The following DNM3 variants were observed in gnomAD, a reference collection of about 807,000 sequenced individuals.
The protein encoded by DNM3 is dynamin-3.
A neutral mutation model predicts 101.6 loss-of-function variants in DNM3; 47 were observed. The ratio of observed to expected loss-of-function variants is 0.46; its 90% CI spans 0.37 to 0.59. DNM3 has a LOEUF of 0.59. DNM3 is among the 20% of genes least tolerant of loss of function. DNM3 has a pLI of 0.00. For synonymous variants in DNM3, 385 were observed against 387.9 expected, an observed-to-expected ratio of 0.99 and a Z score of 0.09; for missense variants, 849 against 1,085.7, an observed-to-expected ratio of 0.78 and a Z score of 3.06.
intron 4 of DNM3, among the ~76,000 whole-genome samples, chr1:171,997,705 G>A (rs984041956): frequency 6.6e-6 from 1 of 152,134 alleles, no homozygotes; most frequent in Non-Finnish European, 1.5e-5. Context: ...CCAGCAAAAT[G>A]CTCCTGGTCA....
intron 2 of DNM3, among the ~76,000 whole-genome samples, chr1:171,935,769 C>CTTTTTTTTTTTTTTTT: frequency 2.1e-5 from 1 of 47,992 alleles, no homozygotes; most frequent in Non-Finnish European, 3.9e-5. Context: ...CAAATCAAAA[C>CTTTTTTTTTTTTTTTT]TTTTTTTTTT....
chr1:172,225,734 A>T (rs866703687), intron 14 of DNM3, among the ~76,000 whole-genome samples: 1 of 152,240 alleles, frequency 6.6e-6, no homozygotes, highest in South Asian at 2.1e-4. Flanking sequence ...GCCTGGTGAC[A>T]GAGAAAGACC....
chr1:172,335,009 A>T (rs1208314955), intron 17 of DNM3, among the ~76,000 whole-genome samples: 2 of 152,190 alleles, frequency 1.3e-5, no homozygotes, highest in Non-Finnish European at 2.9e-5. Context: ...AGACTCAGTA[A>T]GGAACAGTTA....
chr1:172,173,292 C>T (rs771714379), intron 14 of DNM3, among the ~76,000 whole-genome samples: 9 of 151,482 alleles, frequency 5.9e-5, no homozygotes, highest in Admixed American at 2.6e-4. Context: ...TCAGGGATGA[C>T]GCCAAAGTTT....
intron 15 of DNM3, among the ~76,000 whole-genome samples, chr1:172,305,651 C>T (rs968035774): frequency 2.6e-5 from 4 of 152,112 alleles, no homozygotes; most frequent in African/African-American, 2.4e-5. Flanking sequence ...ACTGGCAAAC[C>T]GAATCCAGCA....
chr1:172,002,463 T>C (rs1432818276), intron 4 of DNM3, among the ~76,000 whole-genome samples: 1 of 152,124 alleles, frequency 6.6e-6, no homozygotes, highest in Non-Finnish European at 1.5e-5. Context: ...TACTATGCAT[T>C]GGGCTTGAAC....
chr1:172,058,006 C>T lies in DNM3; in HGVS notation c.1335+9256C>T, dbSNP rs1211362239. 2.8e-5 allele frequency among the ~76,000 whole-genome samples: 4 copies of T among 141,924 alleles called. No individual in the cohort carries two copies. The Admixed American group carries it at 2.9e-4, about 10-fold the overall frequency. 93.1% of individuals were successfully genotyped at this position (141,924 alleles called of 152,430 possible). A position where few individuals can be genotyped will look rare whatever the true frequency, so the allele number is the denominator to read the frequency against. Reference sequence around the variant, plus strand: ...CATGAAAGGATGGAGGAAGATCTACCAAGCAAATGGAAAACAAAAAAAGGC... The same window carrying T: ...CATGAAAGGATGGAGGAAGATCTACTAAGCAAATGGAAAACAAAAAAAGGC... On this transcript the variant is annotated intron_variant, in intron 10 of 20. Transcript: ENST00000627582.
At chr1:172,290,136 C>T in intron 15 of DNM3, 4 of 376,386 alleles carry the variant, frequency 1.1e-5, no homozygotes, top group Non-Finnish European at 1.5e-5. Flanking sequence ...TACTATATAA[C>T]ATAAATGCTA....
intron 12 of DNM3, among the ~76,000 whole-genome samples, chr1:172,088,074 A>C (rs2053654664): frequency 6.6e-6 from 1 of 152,216 alleles, no homozygotes; most frequent in Non-Finnish European, 1.5e-5. Context: ...TCAAAACAGA[A>C]TTCCATACGT....
intron 1 of DNM3, among the ~76,000 whole-genome samples, chr1:171,871,590 A>C (rs141284181): frequency 2.6e-5 from 4 of 152,282 alleles, no homozygotes; most frequent in Non-Finnish European, 4.4e-5. Context: ...CATCCTCACA[A>C]ATTTTTTAAT....
At chr1:172,162,734 A>T (rs1276042001) in intron 14 of DNM3, among the ~76,000 whole-genome samples, 1 of 151,972 alleles carries the variant, frequency 6.6e-6, no homozygotes, top group Non-Finnish European at 1.5e-5. Flanking sequence ...TTTTCTTTTG[A>T]ATTAAAAAAT....
intron 2 of DNM3, among the ~76,000 whole-genome samples, chr1:171,945,479 A>G (rs760385458): frequency 6.6e-6 from 1 of 152,200 alleles, no homozygotes; most frequent in Non-Finnish European, 1.5e-5. Flanking sequence ...ATTGAAGTCA[A>G]CTTCTTAAAA....
chr1:171,943,996 G>A (rs1338029641), intron 2 of DNM3, among the ~76,000 whole-genome samples: 1 of 152,092 alleles, frequency 6.6e-6, no homozygotes, highest in Admixed American at 6.6e-5. Flanking sequence ...AAAAAAAGTT[G>A]TTTGAAACAG....
chr1:171,931,723 A>G (rs1227240923), intron 2 of DNM3, among the ~76,000 whole-genome samples: 1 of 152,140 alleles, frequency 6.6e-6, no homozygotes, highest in Non-Finnish European at 1.5e-5. Context: ...TTATTGTACC[A>G]ATTCCACAGT....
In DNM3 at chr1:172,410,609, T is replaced by A. The variant is rs1162827840; in HGVS notation, c.*2768T>A. ...ATAGTATTGATTTAGAAAAAGTATA[T>A]TGCATTTCTAAAAAACATCTACCAA... is the stretch of plus-strand genomic sequence containing the variant. On this transcript the variant is annotated 3_prime_UTR_variant, in exon 21 of 21. Transcript: ENST00000627582. 1.7e-5 allele frequency: 17 copies of A among 984,942 alleles called. No homozygotes were observed. Among genetic ancestry groups the A allele is most frequent in the Non-Finnish European group, 2.0e-5 (17 of 829,606 alleles). 61.0% of individuals were successfully genotyped at this position (984,942 alleles called of 1,614,324 possible).
At position 172,335,938 on chromosome 1, in the gene DNM3, CA is replaced by C. The variant is rs138417478; in HGVS notation, c.1893+12602del. 1.4e-3 allele frequency among the ~76,000 whole-genome samples: 220 copies of C among 152,034 alleles called. 1 individual carries two copies. Among genetic ancestry groups the C allele is most frequent in the African/African-American group, 5.2e-3 (214 of 41,476 alleles). ...AACCTGCACGTTTACCCCCTGAATCCAAAATAAAAGTTGAAGTCAAAAAGTC... is the reference window on the plus strand; with the variant it reads ...AACCTGCACGTTTACCCCCTGAATCCAAATAAAAGTTGAAGTCAAAAAGTC... On this transcript the variant is annotated intron_variant, in intron 17 of 20. Transcript: ENST00000627582.
chr1:172,135,500 GT>G (rs1013359207), intron 14 of DNM3, among the ~76,000 whole-genome samples: 6 of 151,570 alleles, frequency 4.0e-5, no homozygotes, highest in African/African-American at 1.5e-4. Context: ...TTTTGTTTTT[GT>G]TTTTGTTTTT....
chr1:172,380,573 T>G (rs2068841055), intron 18 of DNM3, among the ~76,000 whole-genome samples: 1 of 152,102 alleles, frequency 6.6e-6, no homozygotes, highest in African/African-American at 2.4e-5. Flanking sequence ...CCAATGGCTT[T>G]CTGTGTAACC....
chr1:172,168,193 G>A (rs1048400430), intron 14 of DNM3, among the ~76,000 whole-genome samples: 8 of 151,768 alleles, frequency 5.3e-5, no homozygotes, highest in African/African-American at 1.9e-4. Context: ...AGGATGTTAG[G>A]TAAATACTTG....
Sources: gnomAD v4.1 joint callset for allele counts (sites outside exome capture counted in the v4.1 genomes callset) on GRCh38, gnomAD v4.1.1 for gene constraint, MANE v1.5 for transcripts, NCBI Gene and HGNC (gene_info 2026-07-23, HGNC 2026-07-21) for gene names.